KATNAL2: variants seen among roughly 807,000 people sequenced by gnomAD.
KATNAL2 encodes the protein katanin catalytic subunit A1 like 2, also known as katanin p60 ATPase-containing subunit A-like 2.
In KATNAL2, 52 loss-of-function variants were observed where a neutral mutation model predicts 76.3. That is an observed-to-expected ratio of 0.68 (90% CI 0.55 to 0.86). The LOEUF is 0.86. Among genes scored for constraint, KATNAL2 ranks in the 40% least tolerant of loss-of-function variants. The pLI, the probability that KATNAL2 is intolerant of heterozygous loss-of-function variation, is 0.00. For synonymous variants in KATNAL2, 243 were observed against 244.2 expected (o/e 1.00, Z 0.05); for missense variants, 660 against 668.9 (o/e 0.99, Z 0.15).
intron 3 of KATNAL2, chr18:47,032,820 G>A: frequency 9.3e-7 from 1 of 1,079,216 alleles, no homozygotes; most frequent in Non-Finnish European, 1.3e-6. Context: ...AAGCTGGGAG[G>A]TAGTGGCTGG....
At chr18:47,035,638 C>T (rs1406981247) in intron 3 of KATNAL2, 1 of 434,090 alleles carries the variant, frequency 2.3e-6, no homozygotes, top group Non-Finnish European at 4.4e-6. Flanking sequence ...TGGGCTGCCC[C>T]GCCCCCATAC....
chr18:47,070,178 C>T (rs1024765708), intron 13 of KATNAL2, among the ~76,000 whole-genome samples: 8 of 150,646 alleles, frequency 5.3e-5, no homozygotes, highest in African/African-American at 1.9e-4. Context: ...CTCACTGCAA[C>T]CTCTGCCTCC....
rs144415900 is a variant in KATNAL2 at position 47,058,235 on chromosome 18, G to A, written c.333G>A (p.Arg111=). The A allele has an allele frequency of 3.1e-5, 49 of 1,605,676 alleles. No individual in the cohort carries two copies. The African/African-American group carries it at 6.4e-4, about 21-fold the overall frequency. ...CCAAGGTCTTTGTTCCCTCCCTTAG[G>A]ATGATGAACGACAGTTGTCAAAATC... ...LPQRSRGKTR[R]MMNDSCQNLP... is the part of the protein sequence containing the mutation. The change falls in exon 7 of 18, where the codon AGG becomes AGA. Residue 111 remains arginine (R), a splice_region_variant and synonymous_variant. Coordinates refer to ENST00000683218, the MANE Select transcript of KATNAL2 (RefSeq NM_001387690.1).
At chr18:46,965,587 C>CCA (rs2060100785) in intron 3 of KATNAL2, among the ~76,000 whole-genome samples, 2 of 92,918 alleles carry the variant, frequency 2.2e-5, no homozygotes, top group African/African-American at 9.1e-5. Flanking sequence ...CCCCGCCCCC[C>CCA]CCCCCCCGCC....
intron 7 of KATNAL2, 148 bp from the exon 8 acceptor site, chr18:47,059,408 C>T (rs928332227): frequency 6.0e-5 from 39 of 650,352 alleles, no homozygotes; most frequent in Non-Finnish European, 9.8e-5. Context: ...CTTCCTGGGT[C>T]TGCACAAATG....
intron 3 of KATNAL2, chr18:47,035,666 A>C (rs1324562041): frequency 1.1e-5 from 4 of 355,944 alleles, no homozygotes; most frequent in East Asian, 6.5e-5. Flanking sequence ...TGCCGTCAGC[A>C]CAATGCAGAC....
chr18:46,919,298 C>T (rs1355164189), intron 1 of KATNAL2, among the ~76,000 whole-genome samples: 1 of 151,926 alleles, frequency 6.6e-6, no homozygotes, highest in Non-Finnish European at 1.5e-5. Context: ...GCCAGCCTGA[C>T]CAACATGGAG....
intron 1 of KATNAL2, among the ~76,000 whole-genome samples, chr18:46,942,851 A>G (rs1433270856): frequency 6.6e-6 from 1 of 151,484 alleles, no homozygotes; most frequent in African/African-American, 2.4e-5. Context: ...CATATCTAGC[A>G]ATTTTGGTTG....
chr18:47,101,112 T>C lies in KATNAL2; in HGVS notation c.*107T>C, dbSNP rs2063432549. ...TTGGAATGGAAAAGAGAAAATTATT[T>C]TTGAAGACTGGATTAACTTGAGCCA... On this transcript the variant is annotated 3_prime_UTR_variant, in exon 18 of 18. Coordinates refer to ENST00000683218, the MANE Select transcript of KATNAL2 (RefSeq NM_001387690.1). 1.6e-6 allele frequency: 2 copies of C among 1,275,028 alleles called. No individual in the cohort carries two copies. The highest frequency in any genetic ancestry group is 2.2e-6 in the Non-Finnish European group (2 of 911,460). 79.0% of individuals were successfully genotyped at this position (1,275,028 alleles called of 1,614,324 possible). A position where few individuals can be genotyped will look rare whatever the true frequency, so the allele number is the denominator to read the frequency against.
At chr18:47,051,883 A>G (rs886991294) in intron 4 of KATNAL2, among the ~76,000 whole-genome samples, 15 of 152,170 alleles carry the variant, frequency 9.9e-5, no homozygotes, top group Admixed American at 7.9e-4. Flanking sequence ...TGGGCATCAT[A>G]AGGAGACCTT....
At chr18:46,955,130 C>CTT (rs1158487680) in intron 3 of KATNAL2, among the ~76,000 whole-genome samples, 4 of 118,738 alleles carry the variant, frequency 3.4e-5, no homozygotes, top group Non-Finnish European at 6.9e-5. Flanking sequence ...GTCTTTCTTT[C>CTT]TTTCTCTCTC....
intron 1 of KATNAL2, among the ~76,000 whole-genome samples, chr18:46,945,038 A>AG (rs1177649872): frequency 6.6e-6 from 1 of 152,254 alleles, no homozygotes; most frequent in African/African-American, 2.4e-5. Flanking sequence ...TGGGAACCAT[A>AG]GAACCAGTTT....
chr18:46,942,655 TTATAA>T (rs1249375870), intron 1 of KATNAL2, among the ~76,000 whole-genome samples: 1 of 152,130 alleles, frequency 6.6e-6, no homozygotes, highest in East Asian at 1.9e-4. Context: ...TTTTGTTCTA[TTATAA>T]TATCTTCTAT....
Position 47,101,008 on chromosome 18 carries a change from C to T in KATNAL2, c.*3C>T, listed in dbSNP as rs2063430876. ...AAAGAGAGTTCGAGTCTGTCTGAAA[C>T]CACATTTACCCTGACCTGGCCACAA... On this transcript the variant is annotated 3_prime_UTR_variant, in exon 18 of 18. Transcript: ENST00000683218. 5 of 1,613,922 alleles carry T rather than the reference C, an allele frequency of 3.1e-6. No individual in the cohort carries two copies. The highest frequency in any genetic ancestry group is 3.4e-6 in the Non-Finnish European group (4 of 1,179,956).
rs1353298459 is a variant in KATNAL2, at chr18:47,031,420, T to C, written c.52-15037T>C. Among the ~76,000 whole-genome samples, 5 of 152,274 alleles carry C rather than the reference T, an allele frequency of 3.3e-5. No individual in the cohort carries two copies. The East Asian group carries it at 9.6e-4, about 29-fold the overall frequency. On this transcript the variant is annotated intron_variant, in intron 3 of 17. Transcript: ENST00000683218. ...GTGACTTTTTTTGTGTCTCTCTGTCTTTCTTTTTGTGTGTGTTGTGGTGGG... is the reference window on the plus strand; with the variant it reads ...GTGACTTTTTTTGTGTCTCTCTGTCCTTCTTTTTGTGTGTGTTGTGGTGGG...
intron 3 of KATNAL2, chr18:47,034,944 T>C: frequency 6.2e-7 from 1 of 1,611,828 alleles, no homozygotes; most frequent in Non-Finnish European, 8.5e-7. Context: ...CCCAGGCCTT[T>C]TCCTGGTCCT....
At position 47,083,495 on chromosome 18, in the gene KATNAL2, A is replaced by G. The variant is rs186316104; in HGVS notation, c.1211+6034A>G. 1.7e-4 allele frequency among the ~76,000 whole-genome samples: 26 copies of G among 152,304 alleles called. 1 individual carries two copies. Among genetic ancestry groups the G allele is most frequent in the Non-Finnish European group, 2.8e-4 (19 of 68,022 alleles). Reference sequence around the variant, plus strand: ...TGACTTACCACCATTTTCTCTAGACACATAGATTCCGTCTCAAAGGGGCAA... The same window carrying G: ...TGACTTACCACCATTTTCTCTAGACGCATAGATTCCGTCTCAAAGGGGCAA... On this transcript the variant is annotated intron_variant, in intron 15 of 17. Coordinates refer to ENST00000683218, the MANE Select transcript of KATNAL2 (RefSeq NM_001387690.1).
At chr18:46,958,073 C>T (rs1456590500) in intron 3 of KATNAL2, among the ~76,000 whole-genome samples, 3 of 152,124 alleles carry the variant, frequency 2.0e-5, no homozygotes, top group Non-Finnish European at 4.4e-5. Flanking sequence ...GACCCTCCCA[C>T]ATGTAAGAGG....
chr18:46,946,237 G>C lies in KATNAL2; in HGVS notation c.-329G>C. On this transcript the variant is annotated 5_prime_UTR_variant, in exon 2 of 18. Transcript: ENST00000683218. ...AACACATGAAAAAAATAGAGCAGAG[G>C]AAAACACGTCCATGTTTTTCCACGT... The C allele has an allele frequency of 9.1e-7, 1 of 1,096,588 alleles. No homozygotes were observed. Among genetic ancestry groups the C allele is most frequent in the East Asian group, 9.0e-5 (1 of 11,172 alleles). The allele number at this position is 1,096,588 out of a possible 1,614,324, so 67.9% of individuals were successfully genotyped here. A position where few individuals can be genotyped will look rare whatever the true frequency, so the allele number is the denominator to read the frequency against.
Sources: gnomAD v4.1 joint callset for allele counts (sites outside exome capture counted in the v4.1 genomes callset) on GRCh38, gnomAD v4.1.1 for gene constraint, MANE v1.5 for transcripts, NCBI Gene and HGNC (gene_info 2026-07-23, HGNC 2026-07-21) for gene names.